The following DYSF variants were observed in gnomAD, a reference collection of about 807,000 sequenced individuals.
DYSF encodes the protein dystrophy-associated fer-1-like 1.
A neutral mutation model predicts 274.9 loss-of-function variants in DYSF; 212 were observed. The ratio of observed to expected loss-of-function variants is 0.77; its 90% CI spans 0.69 to 0.86. DYSF has a LOEUF of 0.86. Among genes scored for constraint, DYSF ranks in the 40% least tolerant of loss-of-function variants. The pLI is 0.00. For synonymous variants in DYSF, 1,091 were observed against 1,078.7 expected (o/e 1.01, Z -0.22); for missense variants, 2,666 against 2,783.2 (o/e 0.96, Z 0.95).
At chr2:71,506,805 G>C (rs1196052394) in intron 4 of DYSF, among the ~76,000 whole-genome samples, 1 of 152,016 alleles carries the variant, frequency 6.6e-6, no homozygotes, top group African/African-American at 2.4e-5. Context: ...ATGGTCCCTG[G>C]GGCCCACCTC....
In DYSF at chr2:71,684,713, C is replaced by T. The variant is rs932180374; in HGVS notation, c.6322-1741C>T. On this transcript the variant is annotated intron_variant, in intron 55 of 55. Transcript: ENST00000410020. ...TCACTAGAAACTCAGAGTCCCCGGC[C>T]GGCCCCGGCCTGCTGAGGGGGAATC... Among the ~76,000 whole-genome samples the T allele has an allele frequency of 1.1e-4, 17 of 152,150 alleles. No homozygotes were observed. In the South Asian group the frequency reaches 2.1e-3, roughly 19 times the overall value.
At chr2:71,520,310 A>T (rs1316409984) in intron 11 of DYSF, 102 bp downstream of exon 11, 25 of 1,262,694 alleles carry the variant, frequency 2.0e-5, no homozygotes, top group Non-Finnish European at 2.9e-5. Context: ...GGGTTTTAGA[A>T]TCTAGAGGAA....
At chr2:71,484,368 A>G (rs72842830) in intron 3 of DYSF, among the ~76,000 whole-genome samples, 23,240 of 151,998 alleles carry the variant, frequency 0.15, 2,815 homozygotes, top group East Asian at 0.58. Flanking sequence ...TTTCCTTTAA[A>G]AATTTTTAAA....
intron 42 of DYSF, among the ~76,000 whole-genome samples, chr2:71,650,509 AT>A (rs1484488619): frequency 5.3e-5 from 8 of 152,120 alleles, no homozygotes; most frequent in Non-Finnish European, 1.2e-4. Context: ...AAAATAAAAA[AT>A]AAAAGGTCAG....
intron 36 of DYSF, among the ~76,000 whole-genome samples, chr2:71,607,791 G>A (rs930591680): frequency 1.3e-5 from 2 of 152,178 alleles, no homozygotes; most frequent in African/African-American, 2.4e-5. Flanking sequence ...CAGACTTGAA[G>A]AGAGCAGGTT....
intron 1 of DYSF, among the ~76,000 whole-genome samples, chr2:71,459,596 T>C (rs1263468655): frequency 6.6e-6 from 1 of 152,198 alleles, no homozygotes; most frequent in Admixed American, 6.5e-5. Context: ...AAGCTGTAAA[T>C]CCAGATTTAT....
chr2:71,604,426 C>T (rs2093611041), intron 36 of DYSF, among the ~76,000 whole-genome samples: 1 of 152,188 alleles, frequency 6.6e-6, no homozygotes, highest in African/African-American at 2.4e-5. Context: ...CTGGCTGCTC[C>T]CAGGCTCCTG....
intron 30 of DYSF, among the ~76,000 whole-genome samples, chr2:71,589,377 G>A (rs965361084): frequency 6.6e-6 from 1 of 152,174 alleles, no homozygotes; most frequent in Non-Finnish European, 1.5e-5. Context: ...ACTAGAGAGG[G>A]AGAAGAATTT....
intron 36 of DYSF, among the ~76,000 whole-genome samples, chr2:71,607,452 G>A (rs2093667175): frequency 6.6e-6 from 1 of 152,198 alleles, no homozygotes; most frequent in African/African-American, 2.4e-5. Context: ...ACTTTGAAGA[G>A]TCTGCACTTC....
intron 2 of DYSF, among the ~76,000 whole-genome samples, chr2:71,481,593 A>G (rs1044920374): frequency 1.2e-4 from 18 of 152,162 alleles, no homozygotes; most frequent in African/African-American, 4.1e-4. Flanking sequence ...GGATGGGTTG[A>G]AACTGAGTTG....
At chr2:71,658,845 T>TAAAAATG in intron 43 of DYSF, 33 bp from the exon 44 acceptor site, 2 of 1,613,970 alleles carry the variant, frequency 1.2e-6, no homozygotes, top group Non-Finnish European at 1.7e-6. Context: ...ACAATGATGA[T>TAAAAATG]AAAAATGAAA....
At position 71,672,082 on chromosome 2, in the gene DYSF, G is replaced by A. The variant is rs543455624; in HGVS notation, c.5785-2115G>A. On this transcript the variant is annotated intron_variant, in intron 51 of 55. Coordinates refer to ENST00000410020, the MANE Select transcript of DYSF (RefSeq NM_001130987.2). The stretch of plus-strand genomic sequence containing the variant: ...CCAGACTCTGGGGAGAAGGTGGCTG[G>A]AAGGAGGGGCGGAGAAGGTCAGAAG... Among the ~76,000 whole-genome samples the A allele has an allele frequency of 7.1e-4, 108 of 152,336 alleles. 1 individual carries two copies. Among genetic ancestry groups the A allele is most frequent in the African/African-American group, 2.1e-3 (86 of 41,574 alleles).
At chr2:71,633,733 A>G (rs2094351629) in intron 41 of DYSF, among the ~76,000 whole-genome samples, 1 of 152,202 alleles carries the variant, frequency 6.6e-6, no homozygotes, top group Non-Finnish European at 1.5e-5. Context: ...ATAGTTCTGC[A>G]TAGTGACCCA....
chr2:71,465,710 G>T (rs1449586466), upstream of DYSF, among the ~76,000 whole-genome samples: 1 of 152,240 alleles, frequency 6.6e-6, no homozygotes, highest in Non-Finnish European at 1.5e-5. Flanking sequence ...GAGCAGGTTG[G>T]TTAGTGAGGA....
intron 7 of DYSF, 88 bp downstream of exon 7, chr2:71,514,009 G>T: frequency 6.7e-7 from 1 of 1,496,254 alleles, no homozygotes; most frequent in Non-Finnish European, 9.2e-7. Flanking sequence ...CCAGCTTCAG[G>T]GGAAGATGTG....
At chr2:71,527,579 G>A (rs1475235161) in intron 13 of DYSF, among the ~76,000 whole-genome samples, 1 of 101,202 alleles carries the variant, frequency 9.9e-6, no homozygotes, top group African/African-American at 4.4e-5. Flanking sequence ...TGAATTCCCT[G>A]CAACGTTGTT....
At chr2:71,549,013 ATTTTC>A (rs1026787867) in intron 17 of DYSF, among the ~76,000 whole-genome samples, 2 of 151,886 alleles carry the variant, frequency 1.3e-5, no homozygotes, top group African/African-American at 4.8e-5. Flanking sequence ...GGAAAAGCAC[ATTTTC>A]TTTTCTGAAT....
chr2:71,657,142 A>G (rs1422605602), intron 43 of DYSF, among the ~76,000 whole-genome samples: 2 of 152,202 alleles, frequency 1.3e-5, no homozygotes, highest in African/African-American at 2.4e-5. Flanking sequence ...AAATACAGCC[A>G]TTCCAAATGG....
At chr2:71,669,310 C>G (rs1373042738) in intron 50 of DYSF, 103 bp downstream of exon 50, 1 of 1,080,980 alleles carries the variant, frequency 9.3e-7, no homozygotes, top group African/African-American at 1.6e-5. Context: ...AAGGGAAGAA[C>G]AAACAAACTT....
Sources: allele counts gnomAD v4.1 joint callset (sites outside exome capture counted in the v4.1 genomes callset), GRCh38; gene constraint gnomAD v4.1.1; transcripts MANE v1.5; gene names NCBI Gene and HGNC (gene_info 2026-07-23, HGNC 2026-07-21).